Variants in HIVEP2 observed in about 807,000 individuals in gnomAD.
The protein encoded by HIVEP2 is HIVEP zinc finger 2, also known as transcription factor HIVEP2.
A neutral mutation model predicts 180.7 loss-of-function variants in HIVEP2; 14 were observed. The observed-to-expected ratio is 0.08, with a 90% confidence interval of 0.05 to 0.12. HIVEP2 has a LOEUF of 0.12. Ranked by LOEUF, HIVEP2 falls within the 10% of genes least tolerant of loss-of-function variation. HIVEP2 has a pLI of 1.00. For missense variants in HIVEP2, 2,579 were observed against 3,008.5 expected (o/e 0.86, Z 3.34); for synonymous variants, 1,184 against 1,136.4 (o/e 1.04, Z -0.84).
At chr6:142,857,993 C>T in intron 1 of HIVEP2, among the ~76,000 whole-genome samples, 1 of 152,118 alleles carries the variant, frequency 6.6e-6, no homozygotes, top group East Asian at 1.9e-4. Context: ...TATGCATGGT[C>T]CCCGGCAGGG....
intron 1 of HIVEP2, among the ~76,000 whole-genome samples, chr6:142,901,733 C>T (rs1777137141): frequency 6.6e-6 from 1 of 152,166 alleles, no homozygotes; most frequent in African/African-American, 2.4e-5. Flanking sequence ...GGTAAATTCG[C>T]CAATCTGCCG....
intron 1 of HIVEP2, among the ~76,000 whole-genome samples, chr6:142,895,552 A>T (rs1776964619): frequency 6.6e-6 from 1 of 152,214 alleles, no homozygotes; most frequent in Admixed American, 6.5e-5. Flanking sequence ...GATAAATCAT[A>T]AGATTTTCAG....
intron 2 of HIVEP2, among the ~76,000 whole-genome samples, chr6:142,804,854 T>C (rs1212483970): frequency 6.6e-6 from 1 of 151,836 alleles, no homozygotes; most frequent in Non-Finnish European, 1.5e-5. Context: ...GAGAAAGGCT[T>C]AAAAAAAATC....
At chr6:142,910,916 T>A (rs1468204275) in intron 1 of HIVEP2, among the ~76,000 whole-genome samples, 1 of 152,100 alleles carries the variant, frequency 6.6e-6, no homozygotes, top group African/African-American at 2.4e-5. Context: ...ACAGCTTGAA[T>A]CCACTGATCT....
intron 1 of HIVEP2, among the ~76,000 whole-genome samples, chr6:142,843,184 T>C (rs1775413812): frequency 1.3e-5 from 2 of 152,148 alleles, no homozygotes; most frequent in Admixed American, 1.3e-4. Context: ...AACCCCAAAG[T>C]TCCCAGGTGA....
intron 1 of HIVEP2, among the ~76,000 whole-genome samples, chr6:142,844,293 C>A (rs1016892119): frequency 6.8e-6 from 1 of 147,310 alleles, no homozygotes; most frequent in Non-Finnish European, 1.5e-5. Flanking sequence ...AATCTCTAAA[C>A]TTTTTTTTTT....
Position 142,944,410 on chromosome 6 carries a change from C to G in HIVEP2, c.-641+689G>C, listed in dbSNP as rs998003300. Among the ~76,000 whole-genome samples the G allele has an allele frequency of 5.4e-5, 8 of 148,746 alleles. No individual in the cohort carries two copies. The East Asian group carries it at 1.6e-3, about 29-fold the overall frequency. On this transcript the variant is annotated intron_variant, in intron 1 of 9. Coordinates refer to ENST00000367603, the MANE Select transcript of HIVEP2 (RefSeq NM_006734.4). Reference sequence around the variant, plus strand: ...CAGACCCCACACATGCACATCAGCACCCCCTCCCCCACACACCCACACACA... The same window carrying G: ...CAGACCCCACACATGCACATCAGCAGCCCCTCCCCCACACACCCACACACA...
At chr6:142,794,782 C>A (rs1365364169) in intron 2 of HIVEP2, among the ~76,000 whole-genome samples, 3 of 152,136 alleles carry the variant, frequency 2.0e-5, no homozygotes. Flanking sequence ...CTGTTGAACA[C>A]CCATGGGGTT....
rs758483951 is a variant in HIVEP2, at chr6:142,772,579, A to C, written c.2160T>G (p.Pro720=). 3 of 1,614,202 alleles carry C rather than the reference A, an allele frequency of 1.9e-6. No individual in the cohort carries two copies. In the South Asian group the frequency reaches 3.3e-5, roughly 18 times the overall value. ...PMICSSIVST[P]VGIMASDYDP... ...CATAATCGGAAGCCATGATGCCCACAGGAGTGCTTACAATGCTGCTGCAGA... is the reference window on the plus strand; with the variant it reads ...CATAATCGGAAGCCATGATGCCCACCGGAGTGCTTACAATGCTGCTGCAGA... Residue 720 remains proline (P), a synonymous_variant, in exon 5 of 10, where the codon CCT becomes CCG. Transcript: ENST00000367603. This position sits in a 1 kb window ranked among gnomAD's most constrained non-coding sequence, Gnocchi z 4.9.
rs763765885 is a variant in HIVEP2, at chr6:142,753,103, T to C, written c.*4A>G. On this transcript the variant is annotated 3_prime_UTR_variant, in exon 10 of 10. Transcript: ENST00000367603. ...TGGAAATGAAAGTCTCCATGCATCA[T>C]AGATCAATGTAGCTGACTCTTTTCT... The C allele has an allele frequency of 3.9e-6, 6 of 1,534,190 alleles. No homozygotes were observed. Among genetic ancestry groups the C allele is most frequent in the East Asian group, 2.2e-5 (1 of 44,552 alleles).
chr6:142,911,848 C>T (rs538254727), intron 1 of HIVEP2, among the ~76,000 whole-genome samples: 10 of 152,110 alleles, frequency 6.6e-5, no homozygotes, highest in African/African-American at 1.7e-4. Context: ...GTGTGTGTGT[C>T]GAGGGTATCA....
At chr6:142,828,638 G>C (rs1774983414) in intron 2 of HIVEP2, among the ~76,000 whole-genome samples, 1 of 151,966 alleles carries the variant, frequency 6.6e-6, no homozygotes, top group Admixed American at 6.6e-5. Context: ...CACCATGTTG[G>C]TCAGGCTGGT....
chr6:142,754,460 A>G (rs971331580), intron 9 of HIVEP2, among the ~76,000 whole-genome samples: 1 of 152,238 alleles, frequency 6.6e-6, no homozygotes, highest in Non-Finnish European at 1.5e-5. Context: ...AGTTTTCCAC[A>G]GAACAGATGA....
At chr6:142,925,583 C>T (rs1361065729) in intron 1 of HIVEP2, among the ~76,000 whole-genome samples, 3 of 152,180 alleles carry the variant, frequency 2.0e-5, no homozygotes, top group African/African-American at 7.2e-5. Flanking sequence ...CAGATGTACT[C>T]AAATAACCTT....
intron 2 of HIVEP2, among the ~76,000 whole-genome samples, chr6:142,833,202 G>A (rs567823558): frequency 1.5e-4 from 23 of 152,154 alleles, no homozygotes; most frequent in African/African-American, 4.1e-4. Flanking sequence ...TGAAGCCTCC[G>A]GTCCCTTATA....
intron 1 of HIVEP2, among the ~76,000 whole-genome samples, chr6:142,942,204 T>C (rs919268256): frequency 1.3e-5 from 2 of 151,980 alleles, no homozygotes; most frequent in Admixed American, 6.5e-5. Flanking sequence ...CCAACCCAAA[T>C]AGTGTACTTG....
At chr6:142,916,086 G>C (rs1238708494) in intron 1 of HIVEP2, among the ~76,000 whole-genome samples, 2 of 151,978 alleles carry the variant, frequency 1.3e-5, no homozygotes, top group Non-Finnish European at 2.9e-5. Flanking sequence ...TCTCCTCCTG[G>C]AAATCTCTCA....
chr6:142,809,211 T>C (rs540657362), intron 2 of HIVEP2, among the ~76,000 whole-genome samples: 1 of 151,782 alleles, frequency 6.6e-6, no homozygotes, highest in Non-Finnish European at 1.5e-5. Flanking sequence ...AAAAGTCAGG[T>C]CTCTAATCTG....
At chr6:142,887,852 G>C (rs2030473068) in intron 1 of HIVEP2, among the ~76,000 whole-genome samples, 6 of 150,906 alleles carry the variant, frequency 4.0e-5, no homozygotes, top group Admixed American at 4.0e-4. Context: ...TTATCTTTCT[G>C]AAATATCAAA....
Sources: gnomAD v4.1 joint callset for allele counts (sites outside exome capture counted in the v4.1 genomes callset) on GRCh38, gnomAD v4.1.1 for gene constraint, Gnocchi (gnomAD v3.1) non-coding constraint, MANE v1.5 for transcripts, NCBI Gene and HGNC (gene_info 2026-07-23, HGNC 2026-07-21) for gene names.